KIF21A: variants seen among roughly 807,000 people sequenced by gnomAD.
KIF21A encodes the protein kinesin family member 21A, also known as kinesin-like protein KIF21A.
A neutral mutation model predicts 202.9 loss-of-function variants in KIF21A; 114 were observed. The ratio of observed to expected loss-of-function variants is 0.56; its 90% CI spans 0.48 to 0.66. The LOEUF is 0.66. Ranked by LOEUF, KIF21A falls within the 30% of genes least tolerant of loss-of-function variation. KIF21A has a pLI of 0.00. For synonymous variants in KIF21A, 667 were observed against 670.8 expected (o/e 0.99, Z 0.09); for missense variants, 1,677 against 1,994.9 (o/e 0.84, Z 3.04).
At chr12:39,367,830 A>C in intron 4 of KIF21A, 53 bp downstream of exon 4, 1 of 1,375,404 alleles carries the variant, frequency 7.3e-7, no homozygotes, top group African/African-American at 1.4e-5. Context: ...AGCAAAGCTC[A>C]CTATTTAAAT....
At chr12:39,406,178 A>C (rs1952576698) in intron 1 of KIF21A, among the ~76,000 whole-genome samples, 1 of 152,152 alleles carries the variant, frequency 6.6e-6, no homozygotes, top group East Asian at 1.9e-4. Context: ...AAGCCAAACA[A>C]ACACAAAATA....
rs150809265 is a variant in KIF21A at position 39,440,117 on chromosome 12, G to C, written c.44+2810C>G. Among the ~76,000 whole-genome samples the C allele has an allele frequency of 2.2e-3, 335 of 152,240 alleles. 1 individual carries two copies. The highest frequency in any genetic ancestry group is 7.6e-3 in the African/African-American group (315 of 41,536). ...AGCTGGAAAGATTAAATAATTTGAG[G>C]AAATATTTTAGTAAGTTCAGGTCCT... is the stretch of plus-strand genomic sequence containing the variant. On this transcript the variant is annotated intron_variant, in intron 1 of 37. Transcript: ENST00000361418.
chr12:39,343,910 T>C (rs1400491390), intron 12 of KIF21A, among the ~76,000 whole-genome samples: 2 of 152,210 alleles, frequency 1.3e-5, no homozygotes, highest in Non-Finnish European at 2.9e-5. Flanking sequence ...AACATGCCTA[T>C]GTGTCTCATG....
chr12:39,338,374 GT>G (rs1411264391), intron 16 of KIF21A, among the ~76,000 whole-genome samples: 1 of 152,104 alleles, frequency 6.6e-6, no homozygotes, highest in Non-Finnish European at 1.5e-5. Flanking sequence ...GAGTCAAAAA[GT>G]TTTTTAACTT....
intron 17 of KIF21A, among the ~76,000 whole-genome samples, chr12:39,334,200 C>CAAAAAAAAAAAAAAA (rs576176350): frequency 3.1e-5 from 2 of 63,752 alleles, no homozygotes; most frequent in African/African-American, 4.8e-5. Context: ...GACTCCATCT[C>CAAAAAAAAAAAAAAA]AAAAAAAAAA....
intron 4 of KIF21A, 100 bp downstream of exon 4, chr12:39,367,783 G>A (rs1461684241): frequency 3.4e-6 from 3 of 894,324 alleles, no homozygotes; most frequent in Non-Finnish European, 5.4e-6. Context: ...CATGCTTCAG[G>A]ATATAAATTT....
Position 39,309,760 on chromosome 12 carries a change from G to A in KIF21A, c.4103C>T (p.Thr1368Ile). 6.2e-7 allele frequency: 1 copy of A among 1,612,434 alleles called. No individual in the cohort carries two copies. The highest frequency in any genetic ancestry group is 8.5e-7 in the Non-Finnish European group (1 of 1,179,366). Residue 1368 changes from threonine to isoleucine, a missense_variant, in exon 33 of 38, where the codon ACT becomes ATT. This residue lies in a region of KIF21A where 705 missense variants were observed against 791.9 expected (regional missense o/e 0.89). Transcript: ENST00000361418. ...DLLFTGSKDRTCKVWNLVTGQ... is the reference protein window; with the variant it reads ...DLLFTGSKDRICKVWNLVTGQ... ...AGTCACCAGATTCCATACTTTACAA[G>A]TACGATCTAAAACAAACACATAAAA... is the stretch of plus-strand genomic sequence containing the variant.
At chr12:39,299,474 A>G (rs1355215184) in intron 37 of KIF21A, among the ~76,000 whole-genome samples, 1 of 152,184 alleles carries the variant, frequency 6.6e-6, no homozygotes, top group Non-Finnish European at 1.5e-5. Context: ...AAGGTTGTGG[A>G]AAAAGGGAAC....
At chr12:39,400,484 T>G (rs529911128) in intron 1 of KIF21A, among the ~76,000 whole-genome samples, 2 of 152,078 alleles carry the variant, frequency 1.3e-5, no homozygotes, top group East Asian at 3.9e-4. Context: ...TTCCCCTCCA[T>G]GTATCCATTT....
chr12:39,409,642 T>A (rs1011016317), intron 1 of KIF21A, among the ~76,000 whole-genome samples: 2 of 151,936 alleles, frequency 1.3e-5, no homozygotes, highest in Non-Finnish European at 2.9e-5. Context: ...AAAATGGCCA[T>A]GCCCTGATAC....
chr12:39,363,629 A>G (rs543554962), intron 6 of KIF21A, among the ~76,000 whole-genome samples: 2 of 152,352 alleles, frequency 1.3e-5, no homozygotes, highest in East Asian at 3.9e-4. Context: ...TACAGTTCCC[A>G]CGGGAAAAGA....
At chr12:39,336,445 T>G (rs947519063) in intron 17 of KIF21A, among the ~76,000 whole-genome samples, 2 of 152,176 alleles carry the variant, frequency 1.3e-5, no homozygotes, top group Non-Finnish European at 2.9e-5. Context: ...TAATGCATGG[T>G]CATTTTTCAG....
chr12:39,380,969 G>A (rs1013860089), intron 1 of KIF21A, among the ~76,000 whole-genome samples: 4 of 151,996 alleles, frequency 2.6e-5, no homozygotes, highest in Admixed American at 2.6e-4. Flanking sequence ...TGGGGAAAGG[G>A]AAGGGTCTCA....
In KIF21A at chr12:39,337,157, A is replaced by G. The variant is rs755870837; in HGVS notation, c.2357T>C (p.Leu786Pro). Residue 786 changes from leucine to proline, a missense_variant, in exon 17 of 38, where the codon CTG (leucine) becomes CCG (proline). Transcript: ENST00000361418. ...CTCTCTGTTTCTTCTAGACTCAGTCAGTCTGGCTTTCTCTTGTTCTTCTTT... is the reference window on the plus strand; with the variant it reads ...CTCTCTGTTTCTTCTAGACTCAGTCGGTCTGGCTTTCTCTTGTTCTTCTTT... ...QMKEEQEKAR[L>P]TESRRNREIA... is the part of the protein sequence containing the mutation. The G allele has an allele frequency of 6.2e-7, 1 of 1,612,720 alleles. No homozygotes were observed. Among genetic ancestry groups the G allele is most frequent in the Admixed American group, 1.7e-5 (1 of 60,000 alleles).
intron 1 of KIF21A, among the ~76,000 whole-genome samples, chr12:39,429,589 G>T (rs1955023619): frequency 6.6e-6 from 1 of 152,316 alleles, no homozygotes; most frequent in South Asian, 2.1e-4. Flanking sequence ...CTATGTGCCA[G>T]ACATTATTCT....
At chr12:39,402,187 T>A (rs912131595) in intron 1 of KIF21A, among the ~76,000 whole-genome samples, 1 of 152,144 alleles carries the variant, frequency 6.6e-6, no homozygotes, top group Non-Finnish European at 1.5e-5. Context: ...CACCAAAAAA[T>A]TTATTTTATA....
chr12:39,320,936 A>AT (rs1565743828), intron 27 of KIF21A, among the ~76,000 whole-genome samples: 8 of 149,188 alleles, frequency 5.4e-5, no homozygotes, highest in Admixed American at 4.7e-4. Context: ...CTCTGCCAAA[A>AT]AAAAAAAAAA....
intron 1 of KIF21A, among the ~76,000 whole-genome samples, chr12:39,384,892 A>C (rs1950841847): frequency 6.6e-6 from 1 of 152,096 alleles, no homozygotes; most frequent in Non-Finnish European, 1.5e-5. Flanking sequence ...TGCTGGCAAA[A>C]GGCTAGCTCT....
chr12:39,366,917 G>A (rs1258636896), intron 5 of KIF21A, 113 bp downstream of exon 5: 1 of 1,048,528 alleles, frequency 9.5e-7, no homozygotes, highest in African/African-American at 1.6e-5. Flanking sequence ...AAGGAAATTA[G>A]AAAAAGGAAT....
Sources: gnomAD v4.1 joint callset for allele counts (sites outside exome capture counted in the v4.1 genomes callset) on GRCh38, gnomAD v4.1.1 for gene constraint, gnomAD v4.1.1 regional missense constraint, MANE v1.5 for transcripts, NCBI Gene and HGNC (gene_info 2026-07-23, HGNC 2026-07-21) for gene names.